Variants in MYO3B observed in about 807,000 individuals in gnomAD.
MYO3B encodes myosin IIIB.
MYO3B carries 156 observed loss-of-function variants against 174.6 expected under a neutral mutation model. The observed-to-expected ratio is 0.89, with a 90% CI of 0.78 to 1.02. The LOEUF is 1.02. MYO3B is among the 50% of genes least tolerant of loss of function. The pLI, the probability that MYO3B is intolerant of heterozygous loss-of-function variation, is 0.00. For synonymous variants in MYO3B, 563 were observed against 569.1 expected (o/e 0.99, Z 0.15); for missense variants, 1,632 against 1,639.4 (o/e 1.00, Z 0.08).
intron 32 of MYO3B, chr2:170,644,429 G>A (rs1032627688): frequency 6.6e-6 from 1 of 152,108 alleles, no homozygotes; most frequent in Non-Finnish European, 1.5e-5. Context: ...TGGAATTACA[G>A]GTGCACACCA....
At chr2:170,329,678 G>T (rs2093898131) in intron 7 of MYO3B, among the ~76,000 whole-genome samples, 1 of 152,004 alleles carries the variant, frequency 6.6e-6, no homozygotes, top group Non-Finnish European at 1.5e-5. Flanking sequence ...ACAGGGGTGA[G>T]CCACCATGCC....
rs186746092 is a variant in MYO3B at position 170,561,024 on chromosome 2, T to C, written c.3733+17036T>C. Among the ~76,000 whole-genome samples, 4 of 152,342 alleles carry C rather than the reference T, an allele frequency of 2.6e-5. No homozygotes were observed. The East Asian group carries it at 7.7e-4, about 29-fold the overall frequency. ...CACAACACACTTGTACTCTGCCTTCTGATTTTCAACTTGGGTTGCCATTAA... is the reference window on the plus strand; with the variant it reads ...CACAACACACTTGTACTCTGCCTTCCGATTTTCAACTTGGGTTGCCATTAA... On this transcript the variant is annotated intron_variant, in intron 32 of 34. Coordinates refer to ENST00000408978, the MANE Select transcript of MYO3B (RefSeq NM_138995.5).
chr2:170,513,699 T>A (rs539166610), intron 28 of MYO3B, among the ~76,000 whole-genome samples: 1 of 152,322 alleles, frequency 6.6e-6, no homozygotes, highest in South Asian at 2.1e-4. Context: ...TTATTCTTAC[T>A]TTCTGTATTC....
At chr2:170,355,930 GTTTA>G (rs1041750268) in intron 8 of MYO3B, among the ~76,000 whole-genome samples, 5 of 151,750 alleles carry the variant, frequency 3.3e-5, no homozygotes, top group South Asian at 2.1e-4. Context: ...TAAGGCATCA[GTTTA>G]TTTATTTATT....
intron 8 of MYO3B, among the ~76,000 whole-genome samples, chr2:170,360,166 G>C (rs2094150349): frequency 6.6e-6 from 1 of 152,082 alleles, no homozygotes; most frequent in Non-Finnish European, 1.5e-5. Context: ...GGATGGCTGG[G>C]TACTCTCTAT....
In MYO3B at chr2:170,381,052, T is replaced by C. The variant is rs569019654; in HGVS notation, c.972-964T>C. On this transcript the variant is annotated intron_variant, in intron 9 of 34. Transcript: ENST00000408978. ...GGGAGGGTTGCTTGAGCCCAAGAGT[T>C]TGAGGCTGCAGTGAGCTATGACTAT... Among the ~76,000 whole-genome samples, 3 of 152,160 alleles carry C rather than the reference T, an allele frequency of 2.0e-5. No individual in the cohort carries two copies. In the South Asian group the frequency reaches 6.2e-4, roughly 32 times the overall value.
intron 14 of MYO3B, 104 bp from the exon 15 acceptor site, chr2:170,391,416 C>T (rs1342494932): frequency 1.8e-6 from 1 of 560,872 alleles, no homozygotes; most frequent in Non-Finnish European, 3.1e-6. Flanking sequence ...CCTGAAAATA[C>T]AAATTTGCCA....
At chr2:170,450,544 T>C (rs1029053246) in intron 23 of MYO3B, among the ~76,000 whole-genome samples, 2 of 151,820 alleles carry the variant, frequency 1.3e-5, no homozygotes, top group Non-Finnish European at 2.9e-5. Flanking sequence ...GCCAGCTGAA[T>C]CTGTCTCTTC....
Position 170,199,352 on chromosome 2 carries a change from T to TGGGAG in MYO3B, c.148_152dup (p.Ser51ArgfsTer7). 6.2e-7 allele frequency: 1 copy of TGGGAG among 1,612,776 alleles called. No homozygotes were observed. The highest frequency in any genetic ancestry group is 8.5e-7 in the Non-Finnish European group (1 of 1,179,406). On this transcript the variant is annotated frameshift_variant, in exon 2 of 35. Transcript: ENST00000408978. LOFTEE classifies it high-confidence loss of function. ...TCTACAAGGTAACTAACAAGAGAGATGGGAGCCTGGCTGCAGTGAAAATTC... is the reference window on the plus strand; with the variant it reads ...TCTACAAGGTAACTAACAAGAGAGATGGGAGGGGAGCCTGGCTGCAGTGAAAATTC...
At position 170,653,201 on chromosome 2, in the gene MYO3B, C is replaced by A; in HGVS notation, c.*80C>A. The A allele has an allele frequency of 1.3e-6, 2 of 1,553,876 alleles. No individual in the cohort carries two copies. Among genetic ancestry groups the A allele is most frequent in the Non-Finnish European group, 1.8e-6 (2 of 1,130,120 alleles). On this transcript the variant is annotated 3_prime_UTR_variant, in exon 35 of 35. Transcript: ENST00000408978. ...CTGTCTGTCATTGCGTAAGAAAGCA[C>A]TGATATGGGGTCAGCTTCTTTGGAC...
chr2:170,224,018 A>G (rs1574609873), intron 6 of MYO3B, among the ~76,000 whole-genome samples: 1 of 152,246 alleles, frequency 6.6e-6, no homozygotes, highest in East Asian at 1.9e-4. Context: ...TGACCTGATG[A>G]TCCAGTAACT....
At chr2:170,539,372 G>A (rs1030033173) in intron 30 of MYO3B, among the ~76,000 whole-genome samples, 16 of 152,166 alleles carry the variant, frequency 1.1e-4, no homozygotes, top group African/African-American at 3.9e-4. Flanking sequence ...TACATCCTGG[G>A]TGATATTACA....
chr2:170,266,476 ATTCT>A (rs1301063138), intron 7 of MYO3B, among the ~76,000 whole-genome samples: 9 of 152,158 alleles, frequency 5.9e-5, no homozygotes, highest in Non-Finnish European at 1.3e-4. Flanking sequence ...GTTTTAGAAT[ATTCT>A]TAAGGTCATT....
chr2:170,615,070 C>T (rs754400617), intron 32 of MYO3B, among the ~76,000 whole-genome samples: 16 of 152,182 alleles, frequency 1.1e-4, no homozygotes, highest in Non-Finnish European at 2.2e-4. Context: ...GGAGTCCCTC[C>T]CTTTGTGTTT....
chr2:170,505,360 T>C (rs529853356), intron 28 of MYO3B, among the ~76,000 whole-genome samples: 117 of 152,338 alleles, frequency 7.7e-4, no homozygotes, highest in Middle Eastern at 6.8e-3. Flanking sequence ...AATGGGTTCT[T>C]GCCACAGGAA....
intron 32 of MYO3B, among the ~76,000 whole-genome samples, chr2:170,626,899 G>C (rs942285523): frequency 1.3e-5 from 2 of 152,200 alleles, no homozygotes; most frequent in African/African-American, 4.8e-5. Context: ...GGCTTGTAGA[G>C]TTTCTGCTGA....
intron 32 of MYO3B, among the ~76,000 whole-genome samples, chr2:170,593,284 G>T (rs1301486559): frequency 1.3e-5 from 2 of 152,092 alleles, no homozygotes; most frequent in African/African-American, 4.8e-5. Flanking sequence ...ATTATTTTTT[G>T]TAGGGACAAG....
At chr2:170,186,809 G>A (rs1404310016) in intron 1 of MYO3B, among the ~76,000 whole-genome samples, 1 of 152,010 alleles carries the variant, frequency 6.6e-6, no homozygotes, top group Non-Finnish European at 1.5e-5. Context: ...TTTGTTACTG[G>A]TCTATTTAGT....
intron 7 of MYO3B, among the ~76,000 whole-genome samples, chr2:170,315,793 C>T (rs1366190464): frequency 6.6e-6 from 1 of 152,064 alleles, no homozygotes; most frequent in Non-Finnish European, 1.5e-5. Context: ...AGGAAATTGC[C>T]CAGGCTGATG....
Sources: allele counts gnomAD v4.1 joint callset (sites outside exome capture counted in the v4.1 genomes callset), GRCh38; gene constraint gnomAD v4.1.1; transcripts MANE v1.5; gene names NCBI Gene and HGNC (gene_info 2026-07-23, HGNC 2026-07-21).